Variants in FGD6 observed in about 807,000 individuals in gnomAD.
FGD6 encodes the protein FYVE, RhoGEF and PH domain containing 6.
A neutral mutation model predicts 149.4 loss-of-function variants in FGD6; 90 were observed. The ratio of observed to expected loss-of-function variants is 0.60; its 90% CI spans 0.51 to 0.72. The LOEUF is 0.72. FGD6 is among the 30% of genes least tolerant of loss of function. The pLI, the probability that FGD6 is intolerant of heterozygous loss-of-function variation, is 0.00. For synonymous variants in FGD6, 527 were observed against 584.0 expected (o/e 0.90, Z 1.41); for missense variants, 1,437 against 1,684.8 (o/e 0.85, Z 2.57).
intron 5 of FGD6, among the ~76,000 whole-genome samples, chr12:95,148,569 TATA>T: frequency 7.3e-6 from 1 of 137,390 alleles, no homozygotes; most frequent in East Asian, 2.1e-4. Context: ...TTATATATTA[TATA>T]ATACATAGCA....
At chr12:95,175,655 G>A (rs1881112465) in intron 2 of FGD6, among the ~76,000 whole-genome samples, 1 of 151,936 alleles carries the variant, frequency 6.6e-6, no homozygotes, top group Non-Finnish European at 1.5e-5. Flanking sequence ...TGAGGCAGAA[G>A]AATCACTGGA....
intron 5 of FGD6, among the ~76,000 whole-genome samples, chr12:95,151,836 T>A (rs1880317827): frequency 6.6e-6 from 1 of 152,212 alleles, no homozygotes; most frequent in Non-Finnish European, 1.5e-5. Flanking sequence ...TCATCTACCT[T>A]TTCCTTTTGT....
chr12:95,095,627 A>G (rs1878208870), intron 14 of FGD6, among the ~76,000 whole-genome samples: 1 of 152,162 alleles, frequency 6.6e-6, no homozygotes, highest in South Asian at 2.1e-4. Context: ...TTAAAACTCC[A>G]TCATAATAAA....
intron 9 of FGD6, among the ~76,000 whole-genome samples, chr12:95,111,209 G>A (rs532492187): frequency 4.6e-4 from 70 of 152,140 alleles, no homozygotes; most frequent in African/African-American, 1.6e-3. Flanking sequence ...TTGAATTCCT[G>A]GCCTCAAGTG....
At chr12:95,116,439 A>G (rs2136245980) in intron 8 of FGD6, among the ~76,000 whole-genome samples, 1 of 152,342 alleles carries the variant, frequency 6.6e-6, no homozygotes, top group Admixed American at 6.5e-5. Flanking sequence ...TTTTTAATAC[A>G]GAAGTATATC....
chr12:95,110,361 ATT>A (rs35972619), intron 9 of FGD6, among the ~76,000 whole-genome samples: 257 of 140,748 alleles, frequency 1.8e-3, no homozygotes, highest in African/African-American at 3.6e-3. Flanking sequence ...ATATATCAGA[ATT>A]TTTTTTTTTT....
At chr12:95,168,492 C>T (rs1303975946) in intron 3 of FGD6, among the ~76,000 whole-genome samples, 4 of 152,048 alleles carry the variant, frequency 2.6e-5, no homozygotes, top group South Asian at 2.1e-4. Flanking sequence ...GGAGAAACTC[C>T]GTCTCTACTA....
At chr12:95,175,090 A>T (rs886527589) in intron 2 of FGD6, among the ~76,000 whole-genome samples, 3 of 152,216 alleles carry the variant, frequency 2.0e-5, no homozygotes, top group Admixed American at 6.5e-5. Context: ...TACAAAGTGA[A>T]CATCTGAAAA....
chr12:95,139,824 A>T (rs921095445), intron 6 of FGD6, among the ~76,000 whole-genome samples: 1 of 151,938 alleles, frequency 6.6e-6, no homozygotes, highest in African/African-American at 2.4e-5. Flanking sequence ...TTTACTAGAG[A>T]CGAGGTTTTG....
intron 2 of FGD6, among the ~76,000 whole-genome samples, chr12:95,173,566 T>C (rs1190024749): frequency 6.6e-6 from 1 of 152,182 alleles, no homozygotes; most frequent in Non-Finnish European, 1.5e-5. Flanking sequence ...AAAGCCACTG[T>C]TGCAATCCAA....
intron 5 of FGD6, among the ~76,000 whole-genome samples, chr12:95,151,833 C>T (rs1490424482): frequency 6.6e-6 from 1 of 152,124 alleles, no homozygotes; most frequent in Non-Finnish European, 1.5e-5. Flanking sequence ...TTTTCATCTA[C>T]CTTTTCCTTT....
chr12:95,176,475 C>G (rs7956554), intron 2 of FGD6, among the ~76,000 whole-genome samples: 21,760 of 152,116 alleles, frequency 0.14, 1,621 homozygotes, highest in Non-Finnish European at 0.15. Context: ...AAAGAGTGGG[C>G]TCTACTTCCC....
At chr12:95,089,070 T>C (rs567290216) in intron 18 of FGD6, among the ~76,000 whole-genome samples, 2 of 152,354 alleles carry the variant, frequency 1.3e-5, no homozygotes, top group East Asian at 3.9e-4. Flanking sequence ...CAACAAAGTC[T>C]GTGGATTACA....
intron 8 of FGD6, chr12:95,126,493 C>CTGAGGCAGG (rs1320707418): frequency 2.8e-5 from 16 of 565,150 alleles, no homozygotes; most frequent in African/African-American, 2.7e-4. Flanking sequence ...CCGTGGGAGG[C>CTGAGGCAGG]TGAGGCAGGT....
intron 8 of FGD6, among the ~76,000 whole-genome samples, chr12:95,117,516 C>T (rs1443337459): frequency 6.6e-6 from 1 of 151,998 alleles, no homozygotes; most frequent in Non-Finnish European, 1.5e-5. Context: ...CTTCAATCTC[C>T]CAGGCTCAAG....
At chr12:95,206,416 G>T (rs1401754098) in intron 2 of FGD6, among the ~76,000 whole-genome samples, 1 of 152,140 alleles carries the variant, frequency 6.6e-6, no homozygotes, top group African/African-American at 2.4e-5. Flanking sequence ...CGGTAGTGGT[G>T]GCTCATGCCT....
At position 95,210,259 on chromosome 12, in the gene FGD6, C is replaced by T; in HGVS notation, c.1025G>A (p.Gly342Glu). ...DTPSESTEEP[G>E]NSDSSSSCLT... is the part of the protein sequence containing the mutation. ...ACAGGAAGAGCTACTGTCTGAATTCCCCGGTTCTTCAGTGCTTTCACTAGG... is the reference window on the plus strand; with the variant it reads ...ACAGGAAGAGCTACTGTCTGAATTCTCCGGTTCTTCAGTGCTTTCACTAGG... The change falls in exon 2 of 21, where the codon GGG becomes GAG. Residue 342 changes from glycine to glutamate, a missense_variant. Physicochemically the swap from Gly to Glu is moderately conservative, Grantham distance 98 (BLOSUM62 -2). Around this residue, in one of 2 missense-constraint regions of FGD6, gnomAD observed 1,055 missense variants for 1,146.0 expected, o/e 0.92. Transcript: ENST00000343958. 1.2e-6 allele frequency: 2 copies of T among 1,614,024 alleles called. No homozygotes were observed. The highest frequency in any genetic ancestry group is 8.5e-7 in the Non-Finnish European group (1 of 1,180,014).
At chr12:95,134,883 G>A in intron 7 of FGD6, 57 bp from the exon 8 acceptor site, 2 of 1,433,198 alleles carry the variant, frequency 1.4e-6, no homozygotes, top group Non-Finnish European at 1.9e-6. Flanking sequence ...AAGGGACCCA[G>A]ATTCAAGTGC....
intron 8 of FGD6, among the ~76,000 whole-genome samples, chr12:95,117,449 G>T (rs61938202): frequency 0.14 from 21,949 of 151,712 alleles, 1,825 homozygotes; most frequent in Admixed American, 0.24. Context: ...TTTTTGGAGG[G>T]TCTCGCTCTG....
Sources: allele counts gnomAD v4.1 joint callset (sites outside exome capture counted in the v4.1 genomes callset), GRCh38; gene constraint gnomAD v4.1.1; regional missense constraint gnomAD v4.1.1; transcripts MANE v1.5; gene names NCBI Gene and HGNC (gene_info 2026-07-23, HGNC 2026-07-21).